The following IL1RAPL2 variants were observed in gnomAD, a reference collection of about 807,000 sequenced individuals.
IL1RAPL2 encodes X-linked interleukin-1 receptor accessory protein-like 2.
IL1RAPL2 carries 3 observed loss-of-function variants against 44.1 expected under a neutral mutation model. That is an observed-to-expected ratio of 0.07 (90% CI 0.03 to 0.18). The LOEUF is 0.18. IL1RAPL2 is among the 10% of genes least tolerant of loss of function. The probability of loss-of-function intolerance (pLI) is 1.00; values close to 1 mark genes in which losing one functional copy is unlikely to be tolerated. For synonymous variants in IL1RAPL2, 181 were observed against 178.8 expected (o/e 1.01, Z -0.10); for missense variants, 391 against 496.4 (o/e 0.79, Z 2.02).
At chrX:104,761,091 G>T (rs1932418794) in intron 2 of IL1RAPL2, among the ~76,000 whole-genome samples, 1 of 111,051 alleles carries the variant, frequency 9.0e-6, no homozygotes, top group African/African-American at 3.3e-5. Context: ...TTTGCTGTAG[G>T]TGTGTGGATT....
intron 6 of IL1RAPL2, among the ~76,000 whole-genome samples, chrX:105,613,787 G>A (rs990779068): frequency 1.3e-4 from 15 of 111,724 alleles, no homozygotes; most frequent in African/African-American, 4.2e-4. Flanking sequence ...GAAGGACTGT[G>A]TCTCAAGGTT....
chrX:105,243,429 A>G (rs2147642352), intron 4 of IL1RAPL2, among the ~76,000 whole-genome samples: 1 of 109,056 alleles, frequency 9.2e-6, no homozygotes, highest in Admixed American at 9.9e-5. Context: ...TACTTTCTTT[A>G]TAAATTACCC....
At chrX:104,582,064 T>G (rs1286459492) in intron 1 of IL1RAPL2, among the ~76,000 whole-genome samples, 2 of 111,977 alleles carry the variant, frequency 1.8e-5, no homozygotes, top group African/African-American at 3.2e-5. Flanking sequence ...GAAATTTTTA[T>G]TTAATGCAAA....
intron 2 of IL1RAPL2, among the ~76,000 whole-genome samples, chrX:104,859,969 G>C (rs1308725298): frequency 8.9e-6 from 1 of 112,125 alleles, no homozygotes; most frequent in Non-Finnish European, 1.9e-5. Context: ...CTCTTTGCAA[G>C]TAGTTTCTAA....
At chrX:105,374,285 T>C (rs1241704683) in intron 5 of IL1RAPL2, among the ~76,000 whole-genome samples, 2 of 110,802 alleles carry the variant, frequency 1.8e-5, no homozygotes, top group Non-Finnish European at 3.8e-5. Context: ...TCCAGCTTTG[T>C]TCTTTTTGTT....
intron 6 of IL1RAPL2, among the ~76,000 whole-genome samples, chrX:105,597,597 G>A (rs1463061432): frequency 2.7e-5 from 3 of 111,225 alleles, no homozygotes; most frequent in East Asian, 5.7e-4. Flanking sequence ...CAGATCTCAT[G>A]AGAACTTACT....
chrX:105,538,860 A>G (rs2036698921), intron 6 of IL1RAPL2, among the ~76,000 whole-genome samples: 1 of 111,965 alleles, frequency 8.9e-6, no homozygotes, highest in Admixed American at 9.5e-5. Context: ...TACAAAATCA[A>G]TGTACAAAAA....
intron 2 of IL1RAPL2, among the ~76,000 whole-genome samples, chrX:104,668,984 T>C (rs1260435171): frequency 9.0e-6 from 1 of 111,655 alleles, no homozygotes; most frequent in Non-Finnish European, 1.9e-5. Flanking sequence ...AGAAGGTGAC[T>C]GTGAGGCATA....
intron 2 of IL1RAPL2, among the ~76,000 whole-genome samples, chrX:104,690,923 C>A (rs779904649): frequency 2.7e-5 from 3 of 111,999 alleles, no homozygotes; most frequent in African/African-American, 9.7e-5. Flanking sequence ...ATCCAGCCTG[C>A]TTTCCATACC....
chrX:105,218,672 C>G (rs782082403), intron 3 of IL1RAPL2, among the ~76,000 whole-genome samples: 2 of 110,062 alleles, frequency 1.8e-5, no homozygotes, highest in Non-Finnish European at 3.8e-5. Context: ...AAGGGGGTCA[C>G]CAAAACATGT....
At chrX:105,040,698 GT>G (rs2147758909) in intron 2 of IL1RAPL2, among the ~76,000 whole-genome samples, 1 of 110,124 alleles carries the variant, frequency 9.1e-6, no homozygotes, top group East Asian at 2.8e-4. Context: ...TCTGATGGTA[GT>G]TTGTATTTCT....
At chrX:104,913,212 C>G (rs954029587) in intron 2 of IL1RAPL2, among the ~76,000 whole-genome samples, 1 of 111,249 alleles carries the variant, frequency 9.0e-6, no homozygotes, top group African/African-American at 3.3e-5. Context: ...CTGTTACCAT[C>G]GACCACAGGA....
intron 2 of IL1RAPL2, among the ~76,000 whole-genome samples, chrX:104,982,586 A>G (rs76932331): frequency 0.024 from 2,660 of 111,383 alleles, 84 homozygotes; most frequent in African/African-American, 0.082. Context: ...AGTTTATAAT[A>G]TACAGGCAAA....
intron 4 of IL1RAPL2, among the ~76,000 whole-genome samples, chrX:105,258,890 C>A (rs2034335687): frequency 9.0e-6 from 1 of 111,716 alleles, no homozygotes; most frequent in African/African-American, 3.3e-5. Flanking sequence ...TCTCAATGAT[C>A]TTTGTTCCTA....
In IL1RAPL2 at chrX:105,301,734, A is replaced by C. The variant is rs181184471; in HGVS notation, c.697+34193A>C. On this transcript the variant is annotated intron_variant, in intron 5 of 10. Transcript: ENST00000372582. Reference sequence around the variant, plus strand: ...TTTTTTTATGGCTGAATAGTACTCCATTGTGTATATGTACCACATTTTTAA... The same window carrying C: ...TTTTTTTATGGCTGAATAGTACTCCCTTGTGTATATGTACCACATTTTTAA... 2.1e-4 allele frequency among the ~76,000 whole-genome samples: 24 copies of C among 112,200 alleles called. 1 individual carries two copies. The East Asian group carries it at 6.2e-3, about 29-fold the overall frequency.
At chrX:105,502,396 ACTT>A (rs1452419204) in intron 6 of IL1RAPL2, among the ~76,000 whole-genome samples, 1 of 111,832 alleles carries the variant, frequency 8.9e-6, no homozygotes, top group African/African-American at 3.2e-5. Flanking sequence ...GTGTTAATGT[ACTT>A]CTTAAAATAT....
rs763821053 is a variant in IL1RAPL2, at chrX:104,709,725, T to C, written c.82+50730T>C. ...GAAAGTGAAAAGATAATGTACAGAA[T>C]GGGAAAAATATTTATAAATTATATT... On this transcript the variant is annotated intron_variant, in intron 2 of 10. Transcript: ENST00000372582. 5.4e-5 allele frequency among the ~76,000 whole-genome samples: 6 copies of C among 111,300 alleles called. No individual in the cohort carries two copies. The South Asian group carries it at 2.2e-3, about 41-fold the overall frequency.
intron 3 of IL1RAPL2, among the ~76,000 whole-genome samples, chrX:105,217,280 A>C: frequency 9.0e-6 from 1 of 111,669 alleles, no homozygotes; most frequent in Non-Finnish European, 1.9e-5. Flanking sequence ...AACCCCATCA[A>C]AAAGTGGGTG....
At position 105,015,687 on chromosome X, in the gene IL1RAPL2, A is replaced by G. The variant is rs754498316; in HGVS notation, c.83-179788A>G. ...CATTTGTCTGTATATCTGTTTTGGT[A>G]CCAGTACTATGCTATTTTGGTTACT... On this transcript the variant is annotated intron_variant, in intron 2 of 10. Transcript: ENST00000372582. 1.1e-3 allele frequency among the ~76,000 whole-genome samples: 124 copies of G among 111,585 alleles called. 1 individual carries two copies. The highest frequency in any genetic ancestry group is 3.9e-3 in the African/African-American group (119 of 30,707).
Sources: allele counts gnomAD v4.1 joint callset (sites outside exome capture counted in the v4.1 genomes callset), GRCh38; gene constraint gnomAD v4.1.1; transcripts MANE v1.5; gene names NCBI Gene and HGNC (gene_info 2026-07-23, HGNC 2026-07-21).